Variants in CHMP1A observed in about 807,000 individuals in gnomAD.
The protein encoded by CHMP1A is charged multivesicular body protein 1A, also known as VPS46 homolog A.
A neutral mutation model predicts 27.0 loss-of-function variants in CHMP1A; 17 were observed. That is an observed-to-expected ratio of 0.63 (90% CI 0.43 to 0.95). The LOEUF is 0.95. Among genes scored for constraint, CHMP1A ranks in the 40% least tolerant of loss-of-function variants. The pLI is 0.00. For missense variants in CHMP1A, 275 were observed against 264.0 expected (o/e 1.04, Z -0.29); for synonymous variants, 131 against 107.5 (o/e 1.22, Z -1.35).
chr16:89,654,165 C>T (rs796277300), intron 1 of CHMP1A, among the ~76,000 whole-genome samples: 18 of 152,324 alleles, frequency 1.2e-4, no homozygotes, highest in African/African-American at 4.3e-4. Context: ...TCCCTGTTTC[C>T]TTGTTGGGAA....
intron 1 of CHMP1A, among the ~76,000 whole-genome samples, chr16:89,656,482 G>C (rs2059871929): frequency 6.6e-6 from 1 of 152,198 alleles, no homozygotes; most frequent in South Asian, 2.1e-4. Flanking sequence ...CCAGCCCAAC[G>C]ATGTTTCAGC....
chr16:89,654,024 G>C lies in CHMP1A; in HGVS notation c.8-101C>G, dbSNP rs1331143133. 9 of 1,256,180 alleles carry C rather than the reference G, an allele frequency of 7.2e-6. No individual in the cohort carries two copies. In the East Asian group the frequency reaches 1.9e-4, roughly 26 times the overall value. 77.8% of individuals were successfully genotyped at this position (1,256,180 alleles called of 1,614,324 possible). The stretch of plus-strand genomic sequence containing the variant: ...GGTTCCTTCTAGACACCAGGAGCTA[G>C]AACACACACACAGACCACACCTGCC... On this transcript the variant is annotated intron_variant, in intron 1 of 6. Coordinates refer to ENST00000397901, the MANE Select transcript of CHMP1A (RefSeq NM_002768.5).
At position 89,645,630 on chromosome 16, in the gene CHMP1A, A is replaced by G. The variant is rs78208987; in HGVS notation, c.*436T>C. On this transcript the variant is annotated 3_prime_UTR_variant, in exon 7 of 7. Coordinates refer to ENST00000397901, the MANE Select transcript of CHMP1A (RefSeq NM_002768.5). ...TAGACCTGTGGTGCCTCCTTGGGCTATGTCTGTCCACATGGTGGGACCTCC... is the reference window on the plus strand; with the variant it reads ...TAGACCTGTGGTGCCTCCTTGGGCTGTGTCTGTCCACATGGTGGGACCTCC... The G allele has an allele frequency of 6.4e-6, 2 of 312,450 alleles. No homozygotes were observed. Among genetic ancestry groups the G allele is most frequent in the African/African-American group, 2.3e-5 (1 of 44,196 alleles). The allele number at this position is 312,450 out of a possible 1,614,324, so 19.4% of individuals were successfully genotyped here.
chr16:89,644,884 T>G lies in CHMP1A; in HGVS notation c.*1182A>C, dbSNP rs2059761933. On this transcript the variant is annotated 3_prime_UTR_variant, in exon 7 of 7. Coordinates refer to ENST00000397901, the MANE Select transcript of CHMP1A (RefSeq NM_002768.5). ...CCGCCCACCACCTGCCTTTTCTACT[T>G]TGGCAAAAACAAAAACAAAACCTGG... is the stretch of plus-strand genomic sequence containing the variant. 6.5e-6 allele frequency: 1 copy of G among 152,672 alleles called. No individual in the cohort carries two copies. The highest frequency in any genetic ancestry group is 1.5e-5 in the Non-Finnish European group (1 of 68,256). The allele number at this position is 152,672 out of a possible 1,614,324, so 9.5% of individuals were successfully genotyped here.
At chr16:89,649,617 C>A in intron 3 of CHMP1A, 120 bp from the exon 4 acceptor site, 1 of 1,277,964 alleles carries the variant, frequency 7.8e-7, no homozygotes, top group Non-Finnish European at 1.1e-6. Context: ...GCTCTGTTGC[C>A]CAGGCTGGAG....
At chr16:89,648,715 CCT>C (rs979164258) in intron 4 of CHMP1A, among the ~76,000 whole-genome samples, 6 of 127,096 alleles carry the variant, frequency 4.7e-5, no homozygotes, top group African/African-American at 1.9e-4. Flanking sequence ...ACATAGACAC[CCT>C]GTCTCTACAT....
chr16:89,653,671 T>G (rs1305126645), intron 2 of CHMP1A, among the ~76,000 whole-genome samples: 1 of 151,448 alleles, frequency 6.6e-6, no homozygotes, highest in Non-Finnish European at 1.5e-5. Flanking sequence ...TTTCATGGCT[T>G]TCATGGATGA....
chr16:89,647,565 G>GGACTGCTGTGCCCTCCTGGCCCACCTGC (rs2059785927), intron 4 of CHMP1A, among the ~76,000 whole-genome samples: 1 of 143,082 alleles, frequency 7.0e-6, no homozygotes, highest in Non-Finnish European at 1.5e-5. Flanking sequence ...CCGACGTGGA[G>GGACTGCTGTGCCCTCCTGGCCCACCTGC]ACCCAGTGCG....
chr16:89,647,131 AC>A (rs761023070), intron 5 of CHMP1A, 71 bp downstream of exon 5: 5 of 1,567,678 alleles, frequency 3.2e-6, no homozygotes, highest in Non-Finnish European at 2.6e-6. Context: ...CCTGTGAGCC[AC>A]CCCTCCCGAT....
rs946545216 is a variant in CHMP1A, at chr16:89,653,793, C to G, written c.27+111G>C. 1.2e-5 allele frequency: 14 copies of G among 1,162,940 alleles called. No individual in the cohort carries two copies. In the African/African-American group the frequency reaches 1.8e-4, roughly 15 times the overall value. 72.0% of individuals were successfully genotyped at this position (1,162,940 alleles called of 1,614,324 possible). On this transcript the variant is annotated intron_variant, in intron 2 of 6. Coordinates refer to ENST00000397901, the MANE Select transcript of CHMP1A (RefSeq NM_002768.5). ...CAGTCTGAGCCCTGTGTGGCGGTCA[C>G]TCAACTGTTATATAATCTGCCCGAC...
At chr16:89,646,781 A>G in intron 5 of CHMP1A, 67 bp from the exon 6 acceptor site, 1 of 1,521,048 alleles carries the variant, frequency 6.6e-7, no homozygotes, top group Non-Finnish European at 9.0e-7. Context: ...TCAGCTTCAC[A>G]AGGGTACGAC....
chr16:89,649,290 G>A, intron 4 of CHMP1A, 61 bp downstream of exon 4: 1 of 1,579,838 alleles, frequency 6.3e-7, no homozygotes, highest in Non-Finnish European at 8.6e-7. Flanking sequence ...CCAGACCGCA[G>A]AGCCCATTCC....
rs549656932 is a variant in CHMP1A at position 89,655,979 on chromosome 16, G to A, written c.7+1603C>T. Among the ~76,000 whole-genome samples, 5 of 152,042 alleles carry A rather than the reference G, an allele frequency of 3.3e-5. No individual in the cohort carries two copies. In the South Asian group the frequency reaches 1.0e-3, roughly 32 times the overall value. Reference sequence around the variant, plus strand: ...GCCACCGCGCCCGGCCTCCCAGAGTGCTGGGGTTACAGGCCTGAGCCACCA... The same window carrying A: ...GCCACCGCGCCCGGCCTCCCAGAGTACTGGGGTTACAGGCCTGAGCCACCA... On this transcript the variant is annotated intron_variant, in intron 1 of 6. Coordinates refer to ENST00000397901, the MANE Select transcript of CHMP1A (RefSeq NM_002768.5).
chr16:89,657,305 T>A (rs1207939841), intron 1 of CHMP1A, among the ~76,000 whole-genome samples: 1 of 109,868 alleles, frequency 9.1e-6, no homozygotes, highest in Non-Finnish European at 1.9e-5. Context: ...GGGTTCCGGG[T>A]CGGGTATCGG....
intron 1 of CHMP1A, among the ~76,000 whole-genome samples, chr16:89,654,569 T>G (rs550689359): frequency 6.6e-6 from 1 of 152,224 alleles, no homozygotes; most frequent in Admixed American, 6.6e-5. Flanking sequence ...TCTGGGAGGC[T>G]GAGGCGGGCA....
intron 3 of CHMP1A, 87 bp downstream of exon 3, chr16:89,651,481 CA>C (rs2059823435): frequency 1.5e-6 from 2 of 1,295,098 alleles, no homozygotes; most frequent in African/African-American, 1.5e-5. Context: ...CAAAAGGCAT[CA>C]AAACAAAACA....
In CHMP1A at chr16:89,655,373, CCCTCA is replaced by C. The variant is rs771851283; in HGVS notation, c.8-1455_8-1451del. On this transcript the variant is annotated intron_variant, in intron 1 of 6. Transcript: ENST00000397901. ...AAACCGCCCTCCTCATCTCAGCTTT[CCCTCA>C]CCTCAGCTTTCCCTCACCTCAGCTT... Among the ~76,000 whole-genome samples, 260 of 51,464 alleles carry C rather than the reference CCCTCA, an allele frequency of 5.1e-3. 1 individual carries two copies. Among genetic ancestry groups the C allele is most frequent in the Non-Finnish European group, 0.012 (195 of 15,998 alleles). 33.8% of individuals were successfully genotyped at this position (51,464 alleles called of 152,430 possible).
rs2059769176 is a variant in CHMP1A, at chr16:89,645,833, C to T, written c.*233G>A. 7.1e-6 allele frequency: 10 copies of T among 1,413,762 alleles called. No individual in the cohort carries two copies. In the South Asian group the frequency reaches 1.2e-4, roughly 17 times the overall value. The allele number at this position is 1,413,762 out of a possible 1,614,324, so 87.6% of individuals were successfully genotyped here. A position where few individuals can be genotyped will look rare whatever the true frequency, so the allele number is the denominator to read the frequency against. ...CCTCCCCGCTGTGGGCCCAGAGTCA[C>T]AGAAATCACCCCCAGAAATTTGCAG... On this transcript the variant is annotated 3_prime_UTR_variant, in exon 7 of 7. Coordinates refer to ENST00000397901, the MANE Select transcript of CHMP1A (RefSeq NM_002768.5).
rs1458600288 is a variant in CHMP1A at position 89,645,522 on chromosome 16, C to G, written c.*544G>C. ...CTGGTAGGGGCGGCCGAGACACCAC[C>G]CCTGGAGTGATGGAGGAGGAGGATG... On this transcript the variant is annotated 3_prime_UTR_variant, in exon 7 of 7. Transcript: ENST00000397901. 1.0e-5 allele frequency: 2 copies of G among 194,246 alleles called. No homozygotes were observed. The highest frequency in any genetic ancestry group is 5.4e-5 in the Admixed American group (1 of 18,576). The allele number at this position is 194,246 out of a possible 1,614,324, so 12.0% of individuals were successfully genotyped here.
Sources: gnomAD v4.1 joint callset for allele counts (sites outside exome capture counted in the v4.1 genomes callset) on GRCh38, gnomAD v4.1.1 for gene constraint, MANE v1.5 for transcripts, NCBI Gene and HGNC (gene_info 2026-07-23, HGNC 2026-07-21) for gene names.